The following TOX variants were observed in gnomAD, a reference collection of about 807,000 sequenced individuals.
TOX encodes the protein thymocyte selection associated high mobility group box.
In TOX, 11 loss-of-function variants were observed where a neutral mutation model predicts 53.7. That is an observed-to-expected ratio of 0.20 (90% CI 0.13 to 0.34). The LOEUF is 0.34. Ranked by LOEUF, TOX falls within the 10% of genes least tolerant of loss-of-function variation. The pLI, the probability that TOX is intolerant of heterozygous loss-of-function variation, is 1.00. For missense variants in TOX, 570 were observed against 664.6 expected (o/e 0.86, Z 1.56); for synonymous variants, 225 against 245.3 (o/e 0.92, Z 0.77).
At chr8:58,961,594 C>A (rs936391022) in intron 1 of TOX, among the ~76,000 whole-genome samples, 1 of 151,296 alleles carries the variant, frequency 6.6e-6, no homozygotes, top group East Asian at 1.9e-4. Context: ...ATGGCGCGAT[C>A]GCAGCTCACT....
chr8:59,003,479 A>G lies in TOX; in HGVS notation c.103-43471T>C, dbSNP rs530923745. Among the ~76,000 whole-genome samples the G allele has an allele frequency of 3.3e-5, 5 of 152,314 alleles. No individual in the cohort carries two copies. In the South Asian group the frequency reaches 1.0e-3, roughly 32 times the overall value. ...TAAGGAAGAGGGCGCTACAGTTTTTATGGAAGTTCAGGATTCACGAGGATT... is the reference window on the plus strand; with the variant it reads ...TAAGGAAGAGGGCGCTACAGTTTTTGTGGAAGTTCAGGATTCACGAGGATT... On this transcript the variant is annotated intron_variant, in intron 1 of 8. Coordinates refer to ENST00000361421, the MANE Select transcript of TOX (RefSeq NM_014729.3).
intron 1 of TOX, among the ~76,000 whole-genome samples, chr8:59,061,777 A>G (rs1163691750): frequency 1.3e-5 from 2 of 151,912 alleles, no homozygotes; most frequent in Non-Finnish European, 2.9e-5. Context: ...CCTCTTGGAG[A>G]TCACCATGGA....
At chr8:58,923,643 T>G (rs1238917067) in intron 3 of TOX, among the ~76,000 whole-genome samples, 1 of 152,200 alleles carries the variant, frequency 6.6e-6, no homozygotes, top group Non-Finnish European at 1.5e-5. Context: ...GGGAGAGTGA[T>G]GCTTTAAACT....
At chr8:58,847,045 A>T (rs1380220279) in intron 4 of TOX, among the ~76,000 whole-genome samples, 2 of 152,154 alleles carry the variant, frequency 1.3e-5, no homozygotes, top group African/African-American at 4.8e-5. Context: ...TGAAAAATTC[A>T]GGCCAAGTGT....
At chr8:59,087,141 G>T (rs1804526667) in intron 1 of TOX, among the ~76,000 whole-genome samples, 1 of 152,130 alleles carries the variant, frequency 6.6e-6, no homozygotes. Flanking sequence ...TATTTTTAAA[G>T]ATTTCTATAT....
At chr8:58,906,713 A>G (rs1211070492) in intron 3 of TOX, among the ~76,000 whole-genome samples, 1 of 152,066 alleles carries the variant, frequency 6.6e-6, no homozygotes, top group Non-Finnish European at 1.5e-5. Context: ...TAAACGCTAC[A>G]TTTTTTTTCT....
intron 3 of TOX, among the ~76,000 whole-genome samples, chr8:58,921,556 C>T (rs1407653944): frequency 6.6e-6 from 1 of 152,072 alleles, no homozygotes; most frequent in Non-Finnish European, 1.5e-5. Context: ...TTCTAATAAC[C>T]CCAAAATGAA....
intron 2 of TOX, among the ~76,000 whole-genome samples, chr8:58,953,006 C>T (rs1812649314): frequency 6.6e-6 from 1 of 152,014 alleles, no homozygotes; most frequent in Non-Finnish European, 1.5e-5. Flanking sequence ...AAACACTTTT[C>T]CTGGACAAAT....
intron 5 of TOX, among the ~76,000 whole-genome samples, chr8:58,833,049 G>A (rs1377370307): frequency 6.6e-6 from 1 of 152,072 alleles, no homozygotes; most frequent in Non-Finnish European, 1.5e-5. Flanking sequence ...ATACACTCTG[G>A]GTACCGTGGG....
At chr8:58,852,587 T>A (rs565816662) in intron 3 of TOX, among the ~76,000 whole-genome samples, 35 of 152,180 alleles carry the variant, frequency 2.3e-4, no homozygotes, top group Admixed American at 9.8e-4. Context: ...GGATGAAGCT[T>A]TTAAGGTATC....
At chr8:59,017,696 T>C (rs1424228420) in intron 1 of TOX, among the ~76,000 whole-genome samples, 2 of 152,172 alleles carry the variant, frequency 1.3e-5, no homozygotes, top group Non-Finnish European at 2.9e-5. Context: ...CTTACACCAG[T>C]TTTTAACTGC....
intron 3 of TOX, among the ~76,000 whole-genome samples, chr8:58,893,819 G>A (rs1025888756): frequency 5.3e-5 from 8 of 152,188 alleles, no homozygotes; most frequent in Non-Finnish European, 1.2e-4. Context: ...AAGGTGAAAC[G>A]TGAAAGCTAA....
In TOX at chr8:58,843,791, G is replaced by A. The variant is rs544475443; in HGVS notation, c.694-5480C>T. Among the ~76,000 whole-genome samples the A allele has an allele frequency of 5.9e-5, 9 of 152,258 alleles. No homozygotes were observed. In the South Asian group the frequency reaches 1.7e-3, roughly 28 times the overall value. ...GCTGCCATTTTAGATTCTGTGTAAT[G>A]AACTGGGAATTTGTAAGGCCTACTT... On this transcript the variant is annotated intron_variant, in intron 4 of 8. Transcript: ENST00000361421.
At chr8:58,874,668 G>T (rs1811255829) in intron 3 of TOX, among the ~76,000 whole-genome samples, 1 of 152,122 alleles carries the variant, frequency 6.6e-6, no homozygotes, top group African/African-American at 2.4e-5. Context: ...AAACTTTTAG[G>T]AGTAGAAAAC....
intron 3 of TOX, among the ~76,000 whole-genome samples, chr8:58,875,502 T>G (rs1811268224): frequency 6.6e-6 from 1 of 152,150 alleles, no homozygotes; most frequent in Admixed American, 6.5e-5. Flanking sequence ...GCAGGCTCCA[T>G]GACATCCTAG....
chr8:58,819,232 C>T (rs1456416547), intron 6 of TOX, among the ~76,000 whole-genome samples: 1 of 152,186 alleles, frequency 6.6e-6, no homozygotes, highest in African/African-American at 2.4e-5. Flanking sequence ...GACTTCTATA[C>T]CTATCATTCA....
intron 1 of TOX, among the ~76,000 whole-genome samples, chr8:58,972,126 GTA>G (rs924420830): frequency 3.9e-5 from 6 of 152,018 alleles, no homozygotes; most frequent in African/African-American, 1.4e-4. Context: ...ATCATTATAT[GTA>G]TATATATATG....
At chr8:58,889,229 A>AAAAAAAAAAAC (rs1554527519) in intron 3 of TOX, among the ~76,000 whole-genome samples, 5 of 142,110 alleles carry the variant, frequency 3.5e-5, no homozygotes, top group African/African-American at 1.3e-4. Flanking sequence ...AAAAAAAAAA[A>AAAAAAAAAAAC]AAACAAAAAA....
chr8:58,972,910 G>A (rs1362421191), intron 1 of TOX, among the ~76,000 whole-genome samples: 1 of 152,164 alleles, frequency 6.6e-6, no homozygotes, highest in Non-Finnish European at 1.5e-5. Flanking sequence ...GTTCTGAGCA[G>A]AATGTGCACA....
Sources: allele counts gnomAD v4.1 joint callset (sites outside exome capture counted in the v4.1 genomes callset), GRCh38; gene constraint gnomAD v4.1.1; transcripts MANE v1.5; gene names NCBI Gene and HGNC (gene_info 2026-07-23, HGNC 2026-07-21).